Variants in WWOX observed in about 807,000 individuals in gnomAD.
WWOX encodes the protein WW domain containing oxidoreductase, also known as WW domain-containing oxidoreductase.
A neutral mutation model predicts 46.2 loss-of-function variants in WWOX; 69 were observed. That is an observed-to-expected ratio of 1.49 (90% CI 1.23 to 1.82). The LOEUF (loss-of-function observed/expected upper bound fraction) is 1.82, where lower values mean the gene tolerates loss of function less well. Ranked by LOEUF, WWOX falls within the 40% of genes most tolerant of loss-of-function variation. The probability of loss-of-function intolerance (pLI) is 0.00; values close to 1 mark genes in which losing one functional copy is unlikely to be tolerated. For missense variants in WWOX, 919 were observed against 542.6 expected (o/e 1.69, Z -6.89); for synonymous variants, 359 against 202.6 (o/e 1.77, Z -6.56).
Position 78,424,874 on chromosome 16 carries a change from C to G in WWOX, c.610C>G (p.Leu204Val), listed in dbSNP as rs866341813. ...AEAFKAKNVPLHVLVCNAATF... is the reference protein window; with the variant it reads ...AEAFKAKNVPVHVLVCNAATF... ...ATGGGATATTTTATTTTTCAGGCCT[C>G]TTCATGTGCTTGTGTGCAACGCAGC... The change falls in exon 7 of 9, where the codon CTT becomes GTT. Residue 204 changes from leucine (L) to valine (V), a missense_variant. Coordinates refer to ENST00000566780, the MANE Select transcript of WWOX (RefSeq NM_016373.4). The G allele has an allele frequency of 4.3e-6, 7 of 1,614,006 alleles. No homozygotes were observed. The South Asian group carries it at 4.4e-5, about 10-fold the overall frequency.
At chr16:78,158,328 T>C (rs893811735) in intron 4 of WWOX, among the ~76,000 whole-genome samples, 3 of 152,164 alleles carry the variant, frequency 2.0e-5, no homozygotes, top group African/African-American at 7.2e-5. Context: ...CTGCCTTCTC[T>C]AGTAGAATTG....
intron 8 of WWOX, among the ~76,000 whole-genome samples, chr16:78,436,354 G>C (rs190643810): frequency 6.6e-6 from 1 of 152,130 alleles, no homozygotes; most frequent in Non-Finnish European, 1.5e-5. Flanking sequence ...TCTCCAACCT[G>C]CACGTCTCAT....
intron 5 of WWOX, among the ~76,000 whole-genome samples, chr16:78,327,733 C>T (rs1377397173): frequency 6.6e-6 from 1 of 152,102 alleles, no homozygotes; most frequent in Non-Finnish European, 1.5e-5. Flanking sequence ...TCTTCTCCTT[C>T]AGACCCCCGA....
chr16:78,163,749 T>C (rs2034876017), intron 4 of WWOX, among the ~76,000 whole-genome samples: 1 of 152,148 alleles, frequency 6.6e-6, no homozygotes, highest in African/African-American at 2.4e-5. Flanking sequence ...ACACTTACCA[T>C]AGAGTAGAGC....
At chr16:79,057,495 T>G (rs9921059) in intron 8 of WWOX, among the ~76,000 whole-genome samples, 91,245 of 151,892 alleles carry the variant, frequency 0.6, 28,109 homozygotes, top group African/African-American at 0.72. Context: ...CATTATTATT[T>G]CTGTTATATT....
chr16:79,045,926 C>T (rs772955060), intron 8 of WWOX, among the ~76,000 whole-genome samples: 8 of 150,634 alleles, frequency 5.3e-5, no homozygotes, highest in African/African-American at 1.7e-4. Flanking sequence ...CTCAGCCTCC[C>T]AAGTAGCTGG....
At chr16:78,261,924 C>G (rs1240614446) in intron 5 of WWOX, among the ~76,000 whole-genome samples, 1 of 150,138 alleles carries the variant, frequency 6.7e-6, no homozygotes, top group Non-Finnish European at 1.5e-5. Flanking sequence ...AATTTTAGAT[C>G]AATAATGCAA....
intron 8 of WWOX, among the ~76,000 whole-genome samples, chr16:78,729,579 G>A (rs2048918375): frequency 1.3e-5 from 2 of 152,052 alleles, no homozygotes; most frequent in South Asian, 4.2e-4. Context: ...GAGCCATCAG[G>A]TGCTGGAAGA....
At chr16:79,019,178 A>G (rs1487781292) in intron 8 of WWOX, among the ~76,000 whole-genome samples, 1 of 54,300 alleles carries the variant, frequency 1.8e-5, no homozygotes, top group African/African-American at 1.5e-4. Flanking sequence ...AAAAAAAAAA[A>G]AAAAAAAGAA....
At chr16:78,167,951 T>A (rs753907054) in intron 5 of WWOX, 1 of 152,180 alleles carries the variant, frequency 6.6e-6, no homozygotes, top group Non-Finnish European at 1.5e-5. Context: ...GTCAATTTGA[T>A]AGACTCCAAT....
rs909898686 is a variant in WWOX at position 78,402,082 on chromosome 16, A to G, written c.605+15134A>G. On this transcript the variant is annotated intron_variant, in intron 6 of 8. Transcript: ENST00000566780. ...GTTACCATTACCACTTTTGAATTGC[A>G]GAACAATTTCATCACTCCAAAAAGA... Among the ~76,000 whole-genome samples the G allele has an allele frequency of 3.9e-5, 6 of 152,230 alleles. No individual in the cohort carries two copies. In the East Asian group the frequency reaches 9.6e-4, roughly 24 times the overall value.
intron 8 of WWOX, among the ~76,000 whole-genome samples, chr16:79,032,252 A>G (rs970596463): frequency 6.8e-6 from 1 of 146,360 alleles, no homozygotes; most frequent in African/African-American, 2.5e-5. Flanking sequence ...TCTATTATAT[A>G]TATTACATAT....
intron 8 of WWOX, among the ~76,000 whole-genome samples, chr16:78,769,836 GTC>G (rs1261127723): frequency 1.3e-5 from 2 of 150,478 alleles, no homozygotes; most frequent in African/African-American, 4.9e-5. Flanking sequence ...GGGAGGTCCT[GTC>G]TCTACAAAAA....
rs566340303 is a variant in WWOX, at chr16:78,175,806, T to A, written c.516+11517T>A. Among the ~76,000 whole-genome samples, 74 of 152,332 alleles carry A rather than the reference T, an allele frequency of 4.9e-4. 1 individual carries two copies. The South Asian group carries it at 0.015, about 31-fold the overall frequency. ...CTATGCTCTGGGGGAATTTGTGATGTAGCGGTAGATAACTATCACAGGATC... is the reference window on the plus strand; with the variant it reads ...CTATGCTCTGGGGGAATTTGTGATGAAGCGGTAGATAACTATCACAGGATC... On this transcript the variant is annotated intron_variant, in intron 5 of 8. Coordinates refer to ENST00000566780, the MANE Select transcript of WWOX (RefSeq NM_016373.4).
intron 8 of WWOX, among the ~76,000 whole-genome samples, chr16:78,798,631 A>G (rs55878153): frequency 6.7e-6 from 1 of 149,524 alleles, no homozygotes; most frequent in Non-Finnish European, 1.5e-5. Context: ...TGATCTTTCC[A>G]TATAGGTTTT....
At chr16:78,332,597 G>A (rs1368995894) in intron 5 of WWOX, among the ~76,000 whole-genome samples, 1 of 152,166 alleles carries the variant, frequency 6.6e-6, no homozygotes, top group Non-Finnish European at 1.5e-5. Context: ...TCAATTAAGC[G>A]GGCAGGTAAA....
intron 8 of WWOX, among the ~76,000 whole-genome samples, chr16:78,944,833 C>T (rs1253156474): frequency 1.3e-5 from 2 of 152,112 alleles, no homozygotes; most frequent in African/African-American, 2.4e-5. Flanking sequence ...ATAGCTGCTT[C>T]CCTGGTAATT....
intron 8 of WWOX, among the ~76,000 whole-genome samples, chr16:78,565,720 G>A (rs1460462462): frequency 6.6e-6 from 1 of 152,082 alleles, no homozygotes; most frequent in African/African-American, 2.4e-5. Context: ...ACTAATTCTG[G>A]ACTTCACGTT....
chr16:78,916,423 T>A (rs1237522190), intron 8 of WWOX, among the ~76,000 whole-genome samples: 3 of 152,204 alleles, frequency 2.0e-5, no homozygotes, highest in Non-Finnish European at 4.4e-5. Flanking sequence ...GATGAGATTA[T>A]TCACTGGGTA....
Sources: allele counts gnomAD v4.1 joint callset (sites outside exome capture counted in the v4.1 genomes callset), GRCh38; gene constraint gnomAD v4.1.1; transcripts MANE v1.5; gene names NCBI Gene and HGNC (gene_info 2026-07-23, HGNC 2026-07-21).